The following EBF2 variants were observed in gnomAD, a reference collection of about 807,000 sequenced individuals.
The protein encoded by EBF2 is EBF transcription factor 2.
Under a neutral mutation model 72.8 loss-of-function variants are expected in EBF2, and 21 were observed. That is an observed-to-expected ratio of 0.29 (90% CI 0.20 to 0.42). The LOEUF is 0.42. Among genes scored for constraint, EBF2 ranks in the 10% least tolerant of loss-of-function variants. The pLI, the probability that EBF2 is intolerant of heterozygous loss-of-function variation, is 1.00. For synonymous variants in EBF2, 299 were observed against 274.2 expected (o/e 1.09, Z -0.89); for missense variants, 637 against 731.2 (o/e 0.87, Z 1.49).
intron 6 of EBF2, among the ~76,000 whole-genome samples, chr8:25,980,900 G>A (rs192693909): frequency 0.42 from 806 of 1,940 alleles, 3 homozygotes; most frequent in Middle Eastern, 0.5. Flanking sequence ...CTGTGGTGGG[G>A]GGTGACCCCC....
intron 6 of EBF2, among the ~76,000 whole-genome samples, chr8:25,955,096 G>A (rs1487456921): frequency 2.0e-5 from 3 of 152,200 alleles, no homozygotes; most frequent in Non-Finnish European, 2.9e-5. Context: ...TGTGGGCTGC[G>A]GCAGACACAA....
At chr8:25,849,863 T>A (rs1417002609) in intron 15 of EBF2, among the ~76,000 whole-genome samples, 1 of 152,156 alleles carries the variant, frequency 6.6e-6, no homozygotes, top group African/African-American at 2.4e-5. Flanking sequence ...TTCTCAGAAC[T>A]TGTTGGTTGC....
intron 6 of EBF2, among the ~76,000 whole-genome samples, chr8:25,943,801 C>G (rs115167053): frequency 0.02 from 3,105 of 152,192 alleles, 113 homozygotes; most frequent in African/African-American, 0.07. Flanking sequence ...ATCAAAGGGG[C>G]TTACTTTGAT....
intron 6 of EBF2, among the ~76,000 whole-genome samples, chr8:25,998,492 A>G (rs1356108823): frequency 1.3e-5 from 2 of 152,214 alleles, no homozygotes; most frequent in African/African-American, 4.8e-5. Flanking sequence ...TGGTTTTGTT[A>G]GGGCAAAACT....
At chr8:25,883,765 C>T (rs1585274808) in intron 10 of EBF2, among the ~76,000 whole-genome samples, 2 of 152,220 alleles carry the variant, frequency 1.3e-5, no homozygotes, top group African/African-American at 4.8e-5. Flanking sequence ...TACTCATCTC[C>T]TTATAGGCCA....
At chr8:25,849,610 G>A (rs925827783) in intron 15 of EBF2, among the ~76,000 whole-genome samples, 1 of 150,324 alleles carries the variant, frequency 6.7e-6, no homozygotes, top group African/African-American at 2.5e-5. Flanking sequence ...TGGGTTGCCA[G>A]TGAGCCCCAG....
chr8:25,971,556 T>A (rs1804190379), intron 6 of EBF2, among the ~76,000 whole-genome samples: 1 of 151,490 alleles, frequency 6.6e-6, no homozygotes, highest in Admixed American at 6.6e-5. Flanking sequence ...CCAGAAGGAG[T>A]CGTTTACAAC....
intron 6 of EBF2, among the ~76,000 whole-genome samples, chr8:25,960,710 C>G (rs1160410357): frequency 1.3e-5 from 2 of 152,084 alleles, no homozygotes; most frequent in African/African-American, 4.8e-5. Flanking sequence ...GATGCTGTTT[C>G]GTCTCTAGAG....
intron 6 of EBF2, among the ~76,000 whole-genome samples, 154 bp from the exon 7 acceptor site, chr8:25,908,709 T>A (rs999007404): frequency 6.6e-6 from 1 of 152,226 alleles, no homozygotes; most frequent in Non-Finnish European, 1.5e-5. Flanking sequence ...GCTGACCCTC[T>A]GCAATTTGCA....
intron 6 of EBF2, among the ~76,000 whole-genome samples, chr8:25,996,499 G>T (rs1804634189): frequency 6.6e-6 from 1 of 151,698 alleles, no homozygotes; most frequent in African/African-American, 2.4e-5. Flanking sequence ...TACAAAAAAT[G>T]ATTATCAGAA....
chr8:25,882,143 A>G (rs1802614142), intron 10 of EBF2, among the ~76,000 whole-genome samples: 2 of 152,234 alleles, frequency 1.3e-5, no homozygotes, highest in African/African-American at 2.4e-5. Context: ...GAGCACCTGT[A>G]ACACACACCC....
chr8:25,860,823 C>A (rs989573405), intron 13 of EBF2, among the ~76,000 whole-genome samples: 8 of 152,150 alleles, frequency 5.3e-5, no homozygotes, highest in Non-Finnish European at 1.0e-4. Context: ...GGTAGTAATA[C>A]TCAATCTTCC....
intron 6 of EBF2, among the ~76,000 whole-genome samples, chr8:26,009,004 T>C (rs935472173): frequency 5.9e-5 from 9 of 151,684 alleles, no homozygotes; most frequent in Admixed American, 2.6e-4. Flanking sequence ...TTATATATTC[T>C]GAAGTGTTTC....
intron 6 of EBF2, among the ~76,000 whole-genome samples, chr8:26,006,565 AACAACCTTCT>A (rs1804886009): frequency 6.6e-6 from 1 of 152,196 alleles, no homozygotes; most frequent in Non-Finnish European, 1.5e-5. Flanking sequence ...TATTTAAATA[AACAACCTTCT>A]ATATTCTTCC....
chr8:25,923,538 G>A (rs932016759), intron 6 of EBF2, among the ~76,000 whole-genome samples: 1 of 152,150 alleles, frequency 6.6e-6, no homozygotes, highest in Admixed American at 6.5e-5. Flanking sequence ...CTATAAAAAA[G>A]CAGATTTCGT....
chr8:26,044,101 T>G lies in EBF2; in HGVS notation c.131+628A>C, dbSNP rs527333037. On this transcript the variant is annotated intron_variant, in intron 1 of 15. Coordinates refer to ENST00000520164, the MANE Select transcript of EBF2 (RefSeq NM_022659.4). The surrounding 1 kb of genome is among the most constrained non-coding windows in gnomAD (Gnocchi z 4.1). ...CTTTTAAATCTCTTCTTTTCTCCAG[T>G]TCCCTAGCTCCGTTCGTCTGGCTCA... 3.6e-4 allele frequency among the ~76,000 whole-genome samples: 55 copies of G among 152,346 alleles called. No homozygotes were observed. The highest frequency in any genetic ancestry group is 1.3e-3 in the African/African-American group (52 of 41,594).
chr8:25,916,182 A>G (rs1803211065), intron 6 of EBF2, among the ~76,000 whole-genome samples: 2 of 151,046 alleles, frequency 1.3e-5, no homozygotes, highest in Non-Finnish European at 2.9e-5. Flanking sequence ...GCGACTTGGG[A>G]GGCTGAGACA....
chr8:25,880,854 G>A (rs1440667169), intron 10 of EBF2, among the ~76,000 whole-genome samples: 1 of 151,910 alleles, frequency 6.6e-6, no homozygotes, highest in Non-Finnish European at 1.5e-5. Context: ...GAAGTATTTT[G>A]TCCTTCCTCT....
chr8:25,847,911 T>C (rs1801871540), intron 15 of EBF2, among the ~76,000 whole-genome samples: 1 of 152,196 alleles, frequency 6.6e-6, no homozygotes, highest in South Asian at 2.1e-4. Context: ...AGACTACATA[T>C]GGGGTACAGT....
Sources: gnomAD v4.1 joint callset for allele counts (sites outside exome capture counted in the v4.1 genomes callset) on GRCh38, gnomAD v4.1.1 for gene constraint, Gnocchi (gnomAD v3.1) non-coding constraint, MANE v1.5 for transcripts, NCBI Gene and HGNC (gene_info 2026-07-23, HGNC 2026-07-21) for gene names.